Variants in TMEM163 observed in about 807,000 individuals in gnomAD.
TMEM163 encodes transmembrane protein 163.
Under a neutral mutation model 29.3 loss-of-function variants are expected in TMEM163, and 17 were observed. The ratio of observed to expected loss-of-function variants is 0.58; its 90% CI spans 0.40 to 0.87. The LOEUF (loss-of-function observed/expected upper bound fraction) is 0.87, where lower values mean the gene tolerates loss of function less well. Ranked by LOEUF, TMEM163 falls within the 40% of genes least tolerant of loss-of-function variation. TMEM163 has a pLI of 0.00. For synonymous variants in TMEM163, 157 were observed against 160.6 expected, an observed-to-expected ratio of 0.98 and a Z score of 0.17; for missense variants, 303 against 381.5, an observed-to-expected ratio of 0.79 and a Z score of 1.71.
In TMEM163 at chr2:134,456,520, T is replaced by A. The variant is rs1686399052; in HGVS notation, c.*196A>T. 1 of 635,848 alleles carries A rather than the reference T, an allele frequency of 1.6e-6. No individual in the cohort carries two copies. Among genetic ancestry groups the A allele is most frequent in the East Asian group, 2.8e-5 (1 of 36,132 alleles). The allele number at this position is 635,848 out of a possible 1,614,324, so 39.4% of individuals were successfully genotyped here. The stretch of plus-strand genomic sequence containing the variant: ...AGGAGGTCCATTCCTATGGGCATTG[T>A]CCCAACATGTTTGATGGGGGCGGCA... On this transcript the variant is annotated 3_prime_UTR_variant, in exon 8 of 8. Transcript: ENST00000281924.
At chr2:134,598,021 C>T (rs1343838524) in intron 2 of TMEM163, among the ~76,000 whole-genome samples, 1 of 152,110 alleles carries the variant, frequency 6.6e-6, no homozygotes, top group Non-Finnish European at 1.5e-5. Context: ...ATTAGTCTTG[C>T]TAGCAGTCTA....
chr2:134,717,481 A>G (rs1685061176), intron 1 of TMEM163, among the ~76,000 whole-genome samples: 2 of 152,190 alleles, frequency 1.3e-5, no homozygotes. Context: ...TGCCGTTTCC[A>G]TGTCATTTTA....
intron 2 of TMEM163, among the ~76,000 whole-genome samples, chr2:134,605,125 T>TG (rs1466954809): frequency 6.7e-6 from 1 of 148,908 alleles, no homozygotes; most frequent in East Asian, 2.0e-4. Context: ...TACAGTGAGC[T>TG]GGGATCGCAC....
At chr2:134,651,468 CG>C in intron 2 of TMEM163, among the ~76,000 whole-genome samples, 1 of 105,186 alleles carries the variant, frequency 9.5e-6, no homozygotes. Flanking sequence ...GAGTAGGTTG[CG>C]AAAATTTTCT....
chr2:134,585,025 T>C (rs1681781964), intron 2 of TMEM163, among the ~76,000 whole-genome samples: 1 of 152,188 alleles, frequency 6.6e-6, no homozygotes, highest in African/African-American at 2.4e-5. Context: ...ATATAGAACT[T>C]GAGAGGCCCC....
intron 2 of TMEM163, among the ~76,000 whole-genome samples, chr2:134,700,594 G>A (rs1029930865): frequency 7.9e-5 from 12 of 152,082 alleles, no homozygotes; most frequent in African/African-American, 2.9e-4. Flanking sequence ...AGAACAGAGG[G>A]GTGTTTTTAA....
intron 6 of TMEM163, 189 bp from the exon 7 acceptor site, chr2:134,458,362 A>G (rs1260518869): frequency 1.6e-6 from 1 of 625,408 alleles, no homozygotes; most frequent in Non-Finnish European, 2.8e-6. Flanking sequence ...ACCTCCCAGA[A>G]TAGAGCCGTC....
At chr2:134,619,886 A>G (rs1682692083) in intron 2 of TMEM163, among the ~76,000 whole-genome samples, 1 of 152,258 alleles carries the variant, frequency 6.6e-6, no homozygotes, top group Admixed American at 6.5e-5. Flanking sequence ...GTATTTCTAT[A>G]TACCAGCAAT....
chr2:134,500,662 C>T (rs1574182337), intron 5 of TMEM163, among the ~76,000 whole-genome samples: 2 of 152,094 alleles, frequency 1.3e-5, no homozygotes, highest in African/African-American at 4.8e-5. Context: ...AAGTGACATC[C>T]TGTCATTCGC....
In TMEM163 at chr2:134,456,605, C is replaced by G. The variant is rs1574143815; in HGVS notation, c.*111G>C. The G allele has an allele frequency of 3.8e-6, 5 of 1,309,136 alleles. No individual in the cohort carries two copies. In the East Asian group the frequency reaches 7.5e-5, roughly 20 times the overall value. The allele number at this position is 1,309,136 out of a possible 1,614,324, so 81.1% of individuals were successfully genotyped here. A position where few individuals can be genotyped will look rare whatever the true frequency, so the allele number is the denominator to read the frequency against. ...CAGACCTTGTCTTGTAATGACAAACCATGTGAAAGAAAACTTCCAAAAAGA... is the reference window on the plus strand; with the variant it reads ...CAGACCTTGTCTTGTAATGACAAACGATGTGAAAGAAAACTTCCAAAAAGA... On this transcript the variant is annotated 3_prime_UTR_variant, in exon 8 of 8. Transcript: ENST00000281924.
At chr2:134,633,275 G>A (rs553694816) in intron 2 of TMEM163, among the ~76,000 whole-genome samples, 47 of 152,278 alleles carry the variant, frequency 3.1e-4, no homozygotes, top group African/African-American at 1.1e-3. Context: ...GCTGGCCTGG[G>A]GTTGGAGTGG....
At chr2:134,480,088 A>G (rs1687014207) in intron 5 of TMEM163, among the ~76,000 whole-genome samples, 2 of 152,236 alleles carry the variant, frequency 1.3e-5, no homozygotes. Context: ...AAGTGTGCCC[A>G]TGACCTGGTG....
At chr2:134,684,106 A>G (rs1432101396) in intron 2 of TMEM163, among the ~76,000 whole-genome samples, 1 of 152,202 alleles carries the variant, frequency 6.6e-6, no homozygotes, top group South Asian at 2.1e-4. Context: ...ATCTTGCTTT[A>G]CTGATGAGGA....
chr2:134,530,940 T>G (rs1308194597), intron 4 of TMEM163, among the ~76,000 whole-genome samples: 1 of 152,202 alleles, frequency 6.6e-6, no homozygotes, highest in African/African-American at 2.4e-5. Context: ...AGCTTAGGAT[T>G]CAAGGAGAAA....
At chr2:134,631,867 A>G (rs2104832671) in intron 2 of TMEM163, among the ~76,000 whole-genome samples, 1 of 152,338 alleles carries the variant, frequency 6.6e-6, no homozygotes, top group South Asian at 2.1e-4. Flanking sequence ...ATAATTCAAC[A>G]AATATTTATT....
intron 2 of TMEM163, among the ~76,000 whole-genome samples, chr2:134,583,904 C>T (rs1388054906): frequency 6.6e-6 from 1 of 152,186 alleles, no homozygotes; most frequent in Non-Finnish European, 1.5e-5. Flanking sequence ...TTCCTGTCCT[C>T]CTCCATCCCC....
chr2:134,468,110 T>A (rs1380947428), intron 5 of TMEM163: 2 of 151,896 alleles, frequency 1.3e-5, no homozygotes, highest in Admixed American at 1.3e-4. Flanking sequence ...CCACAGAAAA[T>A]AAGGTGAACA....
At chr2:134,573,352 T>C (rs1423639932) in intron 2 of TMEM163, among the ~76,000 whole-genome samples, 1 of 152,192 alleles carries the variant, frequency 6.6e-6, no homozygotes, top group African/African-American at 2.4e-5. Flanking sequence ...TAGAAAGTAG[T>C]ATTTAAATGT....
chr2:134,478,006 T>C (rs1197724060), intron 5 of TMEM163, among the ~76,000 whole-genome samples: 1 of 152,150 alleles, frequency 6.6e-6, no homozygotes, highest in Non-Finnish European at 1.5e-5. Flanking sequence ...CTCTTGATAG[T>C]GGGATTATTA....
Sources: allele counts gnomAD v4.1 joint callset (sites outside exome capture counted in the v4.1 genomes callset), GRCh38; gene constraint gnomAD v4.1.1; transcripts MANE v1.5; gene names NCBI Gene and HGNC (gene_info 2026-07-23, HGNC 2026-07-21).